The following ELMO1 variants were observed in gnomAD, a reference collection of about 807,000 sequenced individuals.
ELMO1 encodes the protein engulfment and cell motility 1, also known as engulfment and cell motility protein 1.
Under a neutral mutation model 98.9 loss-of-function variants are expected in ELMO1, and 26 were observed. The ratio of observed to expected loss-of-function variants is 0.26; its 90% CI spans 0.19 to 0.36. The LOEUF is 0.36. ELMO1 is among the 10% of genes least tolerant of loss of function. The pLI is 1.00. For missense variants in ELMO1, 627 were observed against 935.2 expected (o/e 0.67, Z 4.30); for synonymous variants, 346 against 346.0 (o/e 1.00, Z 0.00).
At chr7:37,316,291 T>G (rs4723633) in intron 2 of ELMO1, among the ~76,000 whole-genome samples, 1 of 151,994 alleles carries the variant, frequency 6.6e-6, no homozygotes, top group African/African-American at 2.4e-5. Flanking sequence ...TGGAAGCCCA[T>G]GAGGCCAAGT....
At chr7:36,953,301 C>CATAAAG (rs1788149778) in intron 16 of ELMO1, among the ~76,000 whole-genome samples, 1 of 152,086 alleles carries the variant, frequency 6.6e-6, no homozygotes, top group South Asian at 2.1e-4. Flanking sequence ...ACTCTCTTGA[C>CATAAAG]ATAAAGATGG....
At chr7:37,246,138 G>A (rs1422412242) in intron 6 of ELMO1, among the ~76,000 whole-genome samples, 2 of 152,096 alleles carry the variant, frequency 1.3e-5, no homozygotes, top group Admixed American at 6.5e-5. Flanking sequence ...CTCAGGAGCT[G>A]GTATGAGCTC....
chr7:37,358,993 C>T (rs1435020109), intron 1 of ELMO1, among the ~76,000 whole-genome samples: 2 of 152,198 alleles, frequency 1.3e-5, no homozygotes, highest in Non-Finnish European at 2.9e-5. Flanking sequence ...CAGGGAGAAG[C>T]TGGAGTCATT....
intron 14 of ELMO1, among the ~76,000 whole-genome samples, chr7:37,108,842 A>G (rs75731940): frequency 0.083 from 12,698 of 152,242 alleles, 1,065 homozygotes; most frequent in African/African-American, 0.22. Flanking sequence ...TGCCCACAGA[A>G]GGTTCAGTCA....
intron 14 of ELMO1, among the ~76,000 whole-genome samples, chr7:37,112,272 T>C (rs1785295741): frequency 6.6e-6 from 1 of 152,128 alleles, no homozygotes. Flanking sequence ...GATTATATAA[T>C]TCCAAACTAA....
intron 16 of ELMO1, among the ~76,000 whole-genome samples, chr7:36,947,285 T>C (rs904392060): frequency 3.8e-4 from 58 of 152,264 alleles, no homozygotes; most frequent in African/African-American, 1.3e-3. Context: ...TCCATTTGGA[T>C]GTGCCCAAAG....
chr7:36,902,726 A>G (rs2129059940), intron 16 of ELMO1, among the ~76,000 whole-genome samples: 1 of 152,320 alleles, frequency 6.6e-6, no homozygotes, highest in South Asian at 2.1e-4. Context: ...CAAGTGATGT[A>G]GCAATGATCA....
intron 16 of ELMO1, among the ~76,000 whole-genome samples, chr7:36,952,908 T>A (rs1788092465): frequency 6.7e-6 from 1 of 149,920 alleles, no homozygotes; most frequent in African/African-American, 2.4e-5. Flanking sequence ...AGTGAAAGAC[T>A]CTCAAGACAT....
At chr7:37,099,581 T>C (rs1246407841) in intron 14 of ELMO1, among the ~76,000 whole-genome samples, 1 of 152,188 alleles carries the variant, frequency 6.6e-6, no homozygotes, top group East Asian at 1.9e-4. Flanking sequence ...TCTTAGAATA[T>C]ATCAAACACC....
chr7:36,970,099 T>G (rs1196548376), intron 16 of ELMO1, among the ~76,000 whole-genome samples: 1 of 151,968 alleles, frequency 6.6e-6, no homozygotes, highest in Non-Finnish European at 1.5e-5. Context: ...CCACTCTTGA[T>G]AGCATTGTAT....
chr7:37,274,796 C>T (rs1796742374), intron 4 of ELMO1, among the ~76,000 whole-genome samples: 1 of 152,140 alleles, frequency 6.6e-6, no homozygotes, highest in Non-Finnish European at 1.5e-5. Context: ...TGTGATCTGC[C>T]CATCTCAGCC....
intron 16 of ELMO1, among the ~76,000 whole-genome samples, chr7:36,972,504 G>A (rs1007138082): frequency 6.6e-6 from 1 of 152,246 alleles, no homozygotes; most frequent in Non-Finnish European, 1.5e-5. Flanking sequence ...AGCAGGGTCG[G>A]TTCCTCTTGA....
chr7:37,098,340 A>G (rs1784468131), intron 14 of ELMO1, among the ~76,000 whole-genome samples: 1 of 152,250 alleles, frequency 6.6e-6, no homozygotes, highest in Non-Finnish European at 1.5e-5. Flanking sequence ...TAATTGAAGG[A>G]CACAAAAACA....
chr7:37,298,219 G>T (rs1444792065), intron 4 of ELMO1, among the ~76,000 whole-genome samples: 1 of 150,046 alleles, frequency 6.7e-6, no homozygotes, highest in Non-Finnish European at 1.5e-5. Context: ...AGAGCTACAA[G>T]AGAGGGGGGA....
chr7:37,225,250 G>T (rs1186783197), intron 8 of ELMO1, among the ~76,000 whole-genome samples: 2 of 152,140 alleles, frequency 1.3e-5, no homozygotes, highest in African/African-American at 4.8e-5. Flanking sequence ...TCACTGATAA[G>T]CAAATGTTTT....
intron 8 of ELMO1, among the ~76,000 whole-genome samples, chr7:37,230,541 C>G (rs1385089779): frequency 6.6e-6 from 1 of 152,120 alleles, no homozygotes; most frequent in Non-Finnish European, 1.5e-5. Context: ...TGCCTCCTAA[C>G]CAGAAATAAC....
intron 15 of ELMO1, among the ~76,000 whole-genome samples, chr7:37,047,525 A>G (rs1795863970): frequency 6.6e-6 from 1 of 152,254 alleles, no homozygotes; most frequent in Non-Finnish European, 1.5e-5. Context: ...CCTGTTCCCC[A>G]TAGAATCAAT....
At chr7:36,876,898 A>G (rs916842489) in intron 19 of ELMO1, among the ~76,000 whole-genome samples, 1 of 152,246 alleles carries the variant, frequency 6.6e-6, no homozygotes. Flanking sequence ...AAGTTTTCCT[A>G]TGAAAGAAAA....
intron 21 of ELMO1, among the ~76,000 whole-genome samples, chr7:36,856,526 A>G (rs963485249): frequency 2.0e-5 from 3 of 152,152 alleles, no homozygotes; most frequent in South Asian, 2.1e-4. Context: ...ACAGTACCCA[A>G]CTAAGAGTCT....
Sources: allele counts gnomAD v4.1 joint callset (sites outside exome capture counted in the v4.1 genomes callset), GRCh38; gene constraint gnomAD v4.1.1; transcripts MANE v1.5; gene names NCBI Gene and HGNC (gene_info 2026-07-23, HGNC 2026-07-21).